FGF22: variants seen among roughly 807,000 people sequenced by gnomAD.
FGF22 encodes FGF-22.
In FGF22, 11 loss-of-function variants were observed where a neutral mutation model predicts 10.3. The ratio of observed to expected loss-of-function variants is 1.07; its 90% CI spans 0.67 to 1.77. The LOEUF is 1.77. Among genes scored for constraint, FGF22 ranks in the 40% most tolerant of loss-of-function variants. FGF22 has a pLI of 0.00. For synonymous variants in FGF22, 136 were observed against 122.1 expected, an observed-to-expected ratio of 1.11 and a Z score of -0.75; for missense variants, 317 against 273.2, an observed-to-expected ratio of 1.16 and a Z score of -1.13.
chr19:641,495 A>C (rs917919040), intron 1 of FGF22: 27 of 323,252 alleles, frequency 8.4e-5, no homozygotes, highest in Non-Finnish European at 1.5e-4. Flanking sequence ...GAATGACGTG[A>C]AGCCGGGAGG....
At chr19:642,431 G>A (rs1243324831) in intron 1 of FGF22, among the ~76,000 whole-genome samples, 1 of 123,274 alleles carries the variant, frequency 8.1e-6, no homozygotes, top group Admixed American at 7.8e-5. Flanking sequence ...GGGCCGGGCT[G>A]GGGGGTCTCT....
intron 1 of FGF22, among the ~76,000 whole-genome samples, chr19:642,765 G>C (rs963687744): frequency 6.6e-6 from 1 of 151,884 alleles, no homozygotes; most frequent in African/African-American, 2.4e-5. Context: ...ACAGTTATCA[G>C]TGGTCTGGGT....
chr19:641,491 C>T (rs537307303), intron 1 of FGF22: 51 of 320,876 alleles, frequency 1.6e-4, no homozygotes, highest in South Asian at 1.1e-3. Context: ...AGGAGAATGA[C>T]GTGAAGCCGG....
At chr19:640,403 C>G (rs558020336) in intron 1 of FGF22, 1 of 326,484 alleles carries the variant, frequency 3.1e-6, no homozygotes, top group Non-Finnish European at 5.6e-6. Context: ...GGCCACCCAT[C>G]TGCAGGTGGG....
At chr19:643,662 C>T in exon 3 of FGF22, 1 of 1,340,808 alleles carries the variant, frequency 7.5e-7, no homozygotes, top group Non-Finnish European at 9.9e-7. Flanking sequence ...GGGGCCCGGC[C>T]ACGCTTGTTC....
chr19:642,980 C>T (rs1985953672), intron 1 of FGF22, among the ~76,000 whole-genome samples: 1 of 152,036 alleles, frequency 6.6e-6, no homozygotes, highest in South Asian at 2.1e-4. Context: ...TGCACTCCCC[C>T]AGCTCGTGGG....
Position 643,368 on chromosome 19 carries a change from G to A in FGF22, c.318+30G>A, listed in dbSNP as rs149207557. 2,197 of 1,602,570 alleles carry A rather than the reference G, an allele frequency of 1.4e-3. 21 individuals carry two copies. In the African/African-American group the frequency reaches 0.021, roughly 15 times the overall value. On this transcript the variant is annotated intron_variant, in intron 2 of 2. Transcript: ENST00000215530. ...GTGCCGGGCAGGGCTGGGCGGCGCG[G>A]GCAGGGTGGGGAGGGTGGGCCGGCC...
intron 1 of FGF22, among the ~76,000 whole-genome samples, chr19:642,878 C>T (rs1352674282): frequency 1.3e-5 from 2 of 151,970 alleles, no homozygotes; most frequent in African/African-American, 4.8e-5. Flanking sequence ...GTGTGGGAGC[C>T]CCCCCGCCAT....
chr19:642,780 C>G (rs944677424), intron 1 of FGF22, among the ~76,000 whole-genome samples: 1 of 151,840 alleles, frequency 6.6e-6, no homozygotes, highest in African/African-American at 2.4e-5. Flanking sequence ...CTGGGTGGGC[C>G]CTGCCCCTTC....
At chr19:641,574 CAAAAAA>C (rs68071125) in intron 1 of FGF22, 19 of 94,600 alleles carry the variant, frequency 2.0e-4, no homozygotes, top group East Asian at 5.7e-4. Context: ...GACTCCGTCT[CAAAAAA>C]AAAAAAAAAA....
At chr19:640,949 A>G (rs1352478508) in intron 1 of FGF22, 5 of 341,768 alleles carry the variant, frequency 1.5e-5, no homozygotes, top group Middle Eastern at 2.1e-3. Flanking sequence ...GAGGGCGGAC[A>G]GGGGACTGGC....
At chr19:640,066 C>G (rs1299100627) in exon 1 of FGF22, 1 of 1,422,486 alleles carries the variant, frequency 7.0e-7, no homozygotes, top group Non-Finnish European at 9.2e-7. Flanking sequence ...GCCTCTTCTC[C>G]TCCACTCACT....
intron 1 of FGF22, chr19:641,229 C>G (rs1050846481): frequency 4.4e-6 from 2 of 456,322 alleles, no homozygotes; most frequent in East Asian, 6.9e-5. Context: ...GCTCCCAGAG[C>G]AGAGGCGCGC....
At chr19:641,739 C>A (rs1191905387) in intron 1 of FGF22, 1 of 164,504 alleles carries the variant, frequency 6.1e-6, no homozygotes, top group Non-Finnish European at 1.3e-5. Context: ...AGAACAACCA[C>A]CTCAAAGACG....
chr19:641,745 A>G (rs1009038293), intron 1 of FGF22, among the ~76,000 whole-genome samples: 8 of 152,128 alleles, frequency 5.3e-5, no homozygotes, highest in Non-Finnish European at 7.4e-5. Flanking sequence ...ACCACCTCAA[A>G]GACGTTCCTG....
chr19:641,136 C>T (rs751153693), intron 1 of FGF22: 8 of 456,004 alleles, frequency 1.8e-5, no homozygotes, highest in Admixed American at 2.3e-5. Context: ...TTCGTGCATT[C>T]GCTGGTCACT....
chr19:640,160 G>A (rs901685915), intron 1 of FGF22, 21 bp downstream of exon 1: 99 of 1,278,904 alleles, frequency 7.7e-5, no homozygotes, highest in Non-Finnish European at 8.7e-5. Flanking sequence ...GGCGGCGGGG[G>A]CCTGGGGTGG....
chr19:643,863 G>C (rs919991926), exon 3 of FGF22: 1 of 478,648 alleles, frequency 2.1e-6, no homozygotes, highest in Non-Finnish European at 3.7e-6. Flanking sequence ...TCGAAAGGTC[G>C]AGGGGGACGT....
At position 643,516 on chromosome 19, in the gene FGF22, C is replaced by T. The variant is rs145347220; in HGVS notation, c.425C>T (p.Ala142Val). ...CGCCGCGGCCAGCCCATGTTCCTGG[C>T]GCTGGACAGGAGGGGGGGGCCCCGG... The change falls in exon 3 of 3, where the codon GCG becomes GTG. Residue 142 changes from alanine to valine, a missense_variant. Physicochemically the swap from Ala to Val is moderately conservative, Grantham distance 64. Transcript: ENST00000215530. The T allele has an allele frequency of 8.3e-5, 134 of 1,608,464 alleles. 1 individual carries two copies. In the African/African-American group the frequency reaches 1.3e-3, roughly 15 times the overall value.
Sources: gnomAD v4.1 joint callset for allele counts (sites outside exome capture counted in the v4.1 genomes callset) on GRCh38, gnomAD v4.1.1 for gene constraint, MANE v1.5 for transcripts, NCBI Gene and HGNC (gene_info 2026-07-23, HGNC 2026-07-21) for gene names.